LMTK2: variants seen among roughly 807,000 people sequenced by gnomAD.
The protein encoded by LMTK2 is serine/threonine-protein kinase LMTK2.
Under a neutral mutation model 127.5 loss-of-function variants are expected in LMTK2, and 37 were observed. The ratio of observed to expected loss-of-function variants is 0.29; its 90% CI spans 0.22 to 0.38. The LOEUF (loss-of-function observed/expected upper bound fraction) is 0.38, where lower values mean the gene tolerates loss of function less well. Among genes scored for constraint, LMTK2 ranks in the 10% least tolerant of loss-of-function variants. The probability of loss-of-function intolerance (pLI) is 1.00; values close to 1 mark genes in which losing one functional copy is unlikely to be tolerated. For missense variants in LMTK2, 1,694 were observed against 1,920.3 expected (o/e 0.88, Z 2.20); for synonymous variants, 819 against 810.1 (o/e 1.01, Z -0.19).
intron 1 of LMTK2, among the ~76,000 whole-genome samples, chr7:98,125,964 C>G (rs1796439069): frequency 6.6e-6 from 1 of 152,218 alleles, no homozygotes; most frequent in African/African-American, 2.4e-5. Context: ...CGGGTACTTC[C>G]TCTCTGAAGA....
chr7:98,195,033 T>C (rs1176823510), intron 11 of LMTK2, among the ~76,000 whole-genome samples: 1 of 151,782 alleles, frequency 6.6e-6, no homozygotes, highest in African/African-American at 2.4e-5. Flanking sequence ...GGTTTTGGTG[T>C]TTTTTTTGTT....
intron 7 of LMTK2, among the ~76,000 whole-genome samples, chr7:98,182,036 A>G (rs1797363757): frequency 6.6e-6 from 1 of 152,230 alleles, no homozygotes; most frequent in South Asian, 2.1e-4. Flanking sequence ...TGCTGGGAAA[A>G]TGGGATATCC....
Position 98,191,650 on chromosome 7 carries a change from A to G in LMTK2, c.1185A>G (p.Glu395=). The part of the protein sequence containing the change: ...EVLQFCWLSP[E]KRPAAEDVHR... Reference sequence around the variant, plus strand: ...TACAGTTCTGTTGGCTGTCACCAGAAAAGAGACCCGCGGCTGAAGATGTGC... The same window carrying G: ...TACAGTTCTGTTGGCTGTCACCAGAGAAGAGACCCGCGGCTGAAGATGTGC... Residue 395 remains glutamate (E), a synonymous_variant, in exon 11 of 14, where the codon GAA becomes GAG. Transcript: ENST00000297293. 1 of 1,612,744 alleles carries G rather than the reference A, an allele frequency of 6.2e-7. No individual in the cohort carries two copies. The highest frequency in any genetic ancestry group is 8.5e-7 in the Non-Finnish European group (1 of 1,179,246).
chr7:98,183,995 A>G (rs1797392960), intron 7 of LMTK2, among the ~76,000 whole-genome samples: 2 of 152,202 alleles, frequency 1.3e-5, no homozygotes, highest in Admixed American at 6.5e-5. Context: ...GGTTTCAGGC[A>G]GAGGGAGAGA....
Position 98,168,843 on chromosome 7 carries a change from T to G in LMTK2, c.658-2698T>G, listed in dbSNP as rs190321149. The stretch of plus-strand genomic sequence containing the variant: ...TCCTTCGGGAGTTTTTTGGGGGGTT[T>G]TGGGAAGCTGAGAAATTTTTAAAAC... On this transcript the variant is annotated intron_variant, in intron 6 of 13. Coordinates refer to ENST00000297293, the MANE Select transcript of LMTK2 (RefSeq NM_014916.4). Among the ~76,000 whole-genome samples the G allele has an allele frequency of 2.4e-4, 36 of 152,288 alleles. No individual in the cohort carries two copies. The East Asian group carries it at 5.6e-3, about 24-fold the overall frequency.
intron 6 of LMTK2, among the ~76,000 whole-genome samples, chr7:98,163,588 C>CT (rs1797045598): frequency 6.6e-6 from 1 of 152,212 alleles, no homozygotes. Flanking sequence ...TGACAGGGTT[C>CT]TTGGCACTGA....
intron 2 of LMTK2, among the ~76,000 whole-genome samples, chr7:98,140,107 T>TTTCGTTCTTTCG (rs1562902488): frequency 9.0e-4 from 4 of 4,426 alleles, no homozygotes; most frequent in African/African-American, 2.9e-3. Context: ...TCTTTCTTTC[T>TTTCGTTCTTTCG]TTCTTTCTTT....
At chr7:98,136,194 G>A (rs74467650) in intron 1 of LMTK2, among the ~76,000 whole-genome samples, 1 of 152,312 alleles carries the variant, frequency 6.6e-6, no homozygotes, top group Non-Finnish European at 1.5e-5. Context: ...AATAAGTGAT[G>A]ATGACTTTGG....
In LMTK2 at chr7:98,192,681, A is replaced by G; in HGVS notation, c.2216A>G (p.Lys739Arg). The G allele has an allele frequency of 6.2e-7, 1 of 1,611,330 alleles. No individual in the cohort carries two copies. Among genetic ancestry groups the G allele is most frequent in the South Asian group, 1.1e-5 (1 of 90,364 alleles). The change falls in exon 11 of 14, where the codon AAA becomes AGA. Residue 739 changes from lysine to arginine, a missense_variant. Transcript: ENST00000297293. ...KNLLKGSLSS[K>R]EHINDLQTEL... is the part of the protein sequence containing the mutation. The stretch of plus-strand genomic sequence containing the variant: ...TTACTAAAAGGCTCATTGTCCAGCA[A>G]AGAACACATAAATGATCTTCAGACA...
intron 7 of LMTK2, among the ~76,000 whole-genome samples, chr7:98,176,943 C>G (rs1797287029): frequency 6.6e-6 from 1 of 152,154 alleles, no homozygotes; most frequent in Admixed American, 6.5e-5. Context: ...TGTTACAGGT[C>G]AGGAGACGCA....
intron 6 of LMTK2, among the ~76,000 whole-genome samples, chr7:98,166,297 G>T (rs1256817187): frequency 6.6e-6 from 1 of 152,240 alleles, no homozygotes; most frequent in Non-Finnish European, 1.5e-5. Flanking sequence ...TGGAGCGCTG[G>T]AGCCACACGG....
At chr7:98,179,443 G>C (rs758298121) in intron 7 of LMTK2, among the ~76,000 whole-genome samples, 1 of 152,240 alleles carries the variant, frequency 6.6e-6, no homozygotes. Context: ...AGAGGTGGTC[G>C]TTGGTGGTGC....
At chr7:98,169,599 T>G (rs1386038767) in intron 6 of LMTK2, among the ~76,000 whole-genome samples, 1 of 152,224 alleles carries the variant, frequency 6.6e-6, no homozygotes, top group Non-Finnish European at 1.5e-5. Flanking sequence ...CATTACCATT[T>G]CATTGGTAAT....
chr7:98,192,638 T>C lies in LMTK2; in HGVS notation c.2173T>C (p.Phe725Leu), dbSNP rs768492053. ...NVQELSENFL[F>L]LQEKNLLKGS... ...TCAAGAATTGTCAGAAAACTTTTTA[T>C]TTCTTCAAGAGAAAAACTTACTAAA... Residue 725 changes from phenylalanine (F) to leucine (L), a missense_variant, in exon 11 of 14, where the codon TTT becomes CTT. Phe to Leu is a conservative substitution (Grantham distance 22, BLOSUM62 0). Around this residue, in one of 8 missense-constraint regions of LMTK2, gnomAD observed 527 missense variants for 539.8 expected, o/e 0.98. Transcript: ENST00000297293. 27 of 1,611,966 alleles carry C rather than the reference T, an allele frequency of 1.7e-5. No individual in the cohort carries two copies. Among genetic ancestry groups the C allele is most frequent in the Non-Finnish European group, 2.2e-5 (26 of 1,179,502 alleles).
chr7:98,184,445 G>C (rs1460173743), intron 7 of LMTK2, among the ~76,000 whole-genome samples: 1 of 151,982 alleles, frequency 6.6e-6, no homozygotes, highest in African/African-American at 2.4e-5. Flanking sequence ...CAACGGGTTG[G>C]GGGTATGTGT....
At chr7:98,175,516 T>C (rs573732990) in intron 7 of LMTK2, among the ~76,000 whole-genome samples, 1 of 152,368 alleles carries the variant, frequency 6.6e-6, no homozygotes, top group East Asian at 1.9e-4. Context: ...GAGCTTTGTG[T>C]GTGCACGTGC....
In LMTK2 at chr7:98,132,278, TCTCA is replaced by T. The variant is rs561190481; in HGVS notation, c.104-5033_104-5030del. ...CAACTTTTTTTTTTTTGAGACGGAG[TCTCA>T]CTCTGTCGCCCAGGCTGGAGTGCAG... On this transcript the variant is annotated intron_variant, in intron 1 of 13. Coordinates refer to ENST00000297293, the MANE Select transcript of LMTK2 (RefSeq NM_014916.4). Among the ~76,000 whole-genome samples the T allele has an allele frequency of 4.6e-3, 698 of 151,442 alleles. 3 individuals carry two copies. Among genetic ancestry groups the T allele is most frequent in the African/African-American group, 0.016 (672 of 41,232 alleles).
intron 4 of LMTK2, among the ~76,000 whole-genome samples, chr7:98,152,514 T>G (rs930311320): frequency 6.6e-6 from 1 of 152,148 alleles, no homozygotes; most frequent in Non-Finnish European, 1.5e-5. Flanking sequence ...AGGGGCACGA[T>G]GTGGAGGAAG....
intron 1 of LMTK2, among the ~76,000 whole-genome samples, chr7:98,116,456 G>C (rs1256855730): frequency 6.6e-6 from 1 of 152,064 alleles, no homozygotes; most frequent in African/African-American, 2.4e-5. Flanking sequence ...CCGCGTGTGT[G>C]TGTGTGAAGG....
Sources: allele counts gnomAD v4.1 joint callset (sites outside exome capture counted in the v4.1 genomes callset), GRCh38; gene constraint gnomAD v4.1.1; regional missense constraint gnomAD v4.1.1; transcripts MANE v1.5; gene names NCBI Gene and HGNC (gene_info 2026-07-23, HGNC 2026-07-21).